Variants in COL22A1 observed in about 807,000 individuals in gnomAD.
COL22A1 encodes collagen alpha-1(XXII) chain.
COL22A1 carries 221 observed loss-of-function variants against 248.9 expected under a neutral mutation model. That is an observed-to-expected ratio of 0.89 (90% CI 0.80 to 0.99). The LOEUF (loss-of-function observed/expected upper bound fraction) is 0.99, where lower values mean the gene tolerates loss of function less well. Among genes scored for constraint, COL22A1 ranks in the 50% least tolerant of loss-of-function variants. The pLI is 0.00. For synonymous variants in COL22A1, 891 were observed against 793.4 expected (o/e 1.12, Z -2.07); for missense variants, 2,240 against 2,179.0 (o/e 1.03, Z -0.56).
chr8:138,805,485 ATGTGATGGTGTGTGTG>A (rs1254452756), intron 10 of COL22A1, among the ~76,000 whole-genome samples: 4 of 111,108 alleles, frequency 3.6e-5, no homozygotes, highest in East Asian at 3.4e-4. Flanking sequence ...ATGGGATGGC[ATGTGATGGTGTGTGTG>A]TGTGATGGTG....
intron 3 of COL22A1, among the ~76,000 whole-genome samples, chr8:138,866,127 A>G (rs1822877614): frequency 6.6e-6 from 1 of 152,196 alleles, no homozygotes; most frequent in African/African-American, 2.4e-5. Context: ...ACAGCAAAAC[A>G]AGTCACCTAA....
intron 18 of COL22A1, among the ~76,000 whole-genome samples, chr8:138,756,112 G>A (rs1311184820): frequency 6.6e-6 from 1 of 152,142 alleles, no homozygotes; most frequent in African/African-American, 2.4e-5. Flanking sequence ...CATGTTCCAT[G>A]AACACCTCAG....
chr8:138,703,073 T>C (rs1367473536), intron 31 of COL22A1, among the ~76,000 whole-genome samples: 1 of 152,242 alleles, frequency 6.6e-6, no homozygotes, highest in Non-Finnish European at 1.5e-5. Context: ...TCTCAGTATC[T>C]AGCACCCATT....
At chr8:138,617,554 A>G (rs1819439695) in intron 53 of COL22A1, among the ~76,000 whole-genome samples, 1 of 152,120 alleles carries the variant, frequency 6.6e-6, no homozygotes, top group South Asian at 2.1e-4. Flanking sequence ...AGATTAAACC[A>G]TTAGCAGAGC....
At chr8:138,752,000 C>G (rs942798747) in intron 21 of COL22A1, among the ~76,000 whole-genome samples, 1 of 152,194 alleles carries the variant, frequency 6.6e-6, no homozygotes, top group African/African-American at 2.4e-5. Context: ...GGAACACTGG[C>G]GCAGGGAGGG....
intron 3 of COL22A1, among the ~76,000 whole-genome samples, chr8:138,847,329 A>G (rs1274564135): frequency 1.3e-5 from 2 of 152,174 alleles, no homozygotes; most frequent in African/African-American, 4.8e-5. Flanking sequence ...GATTTTGATG[A>G]GCCACTGAGA....
At chr8:138,803,039 G>T in intron 10 of COL22A1, 105 bp from the exon 11 acceptor site, 1 of 873,554 alleles carries the variant, frequency 1.1e-6, no homozygotes, top group Non-Finnish European at 2.0e-6. Context: ...CCTAGAAGCA[G>T]CTGACTTCAT....
At chr8:138,609,663 A>G (rs898831944) in intron 56 of COL22A1, among the ~76,000 whole-genome samples, 3 of 152,144 alleles carry the variant, frequency 2.0e-5, no homozygotes, top group African/African-American at 4.8e-5. Context: ...CCTTATCCCT[A>G]TGGAAATTCT....
At chr8:138,804,091 C>T (rs983307272) in intron 10 of COL22A1, among the ~76,000 whole-genome samples, 2 of 152,230 alleles carry the variant, frequency 1.3e-5, no homozygotes, top group Non-Finnish European at 2.9e-5. Context: ...TCCTCTCTTT[C>T]CTGCTCCCTT....
intron 11 of COL22A1, among the ~76,000 whole-genome samples, 173 bp from the exon 12 acceptor site, chr8:138,797,030 G>A (rs1816605169): frequency 6.6e-6 from 1 of 152,110 alleles, no homozygotes; most frequent in South Asian, 2.1e-4. Flanking sequence ...ATTCTCATGA[G>A]TATCATCTCA....
intron 2 of COL22A1, among the ~76,000 whole-genome samples, chr8:138,881,446 G>C (rs1000830283): frequency 1.3e-5 from 2 of 152,192 alleles, no homozygotes; most frequent in Non-Finnish European, 2.9e-5. Context: ...AGCACTTTGG[G>C]AGGCCGAGGC....
intron 64 of COL22A1, among the ~76,000 whole-genome samples, chr8:138,590,408 T>C (rs559723947): frequency 3.4e-4 from 52 of 152,344 alleles, no homozygotes; most frequent in Middle Eastern, 3.4e-3. Context: ...GGGATAATTA[T>C]TGGTACAGTT....
rs781528106 is a variant in COL22A1 at position 138,826,774 on chromosome 8, A to G, written c.853T>C (p.Phe285Leu). The change falls in exon 6 of 65, where the codon TTC (phenylalanine) becomes CTC (leucine). Residue 285 changes from phenylalanine (F) to leucine (L), a missense_variant. Coordinates refer to ENST00000303045, the MANE Select transcript of COL22A1 (RefSeq NM_152888.3). ...FPVVQSTEDV[F>L]PQGLPDEYAF... is the part of the protein sequence containing the mutation. ...TACTCATCAGGTAAACCTTGGGGGAACACATCCCTGGAGAAAAATGGAGAC... is the reference window on the plus strand; with the variant it reads ...TACTCATCAGGTAAACCTTGGGGGAGCACATCCCTGGAGAAAAATGGAGAC... 1.2e-5 allele frequency: 20 copies of G among 1,614,092 alleles called. No individual in the cohort carries two copies. In the East Asian group the frequency reaches 2.7e-4, roughly 22 times the overall value.
chr8:138,907,073 G>A (rs1488714098), intron 1 of COL22A1, among the ~76,000 whole-genome samples: 3 of 152,246 alleles, frequency 2.0e-5, no homozygotes, highest in African/African-American at 4.8e-5. Context: ...GTACCAGGGA[G>A]GGGCCAGGAA....
intron 1 of COL22A1, among the ~76,000 whole-genome samples, chr8:138,900,036 G>A (rs1226126489): frequency 2.0e-5 from 3 of 152,168 alleles, no homozygotes; most frequent in Non-Finnish European, 2.9e-5. Flanking sequence ...CTCCTGCATT[G>A]CTTTATTTCT....
At chr8:138,911,410 A>G (rs1250547174) in intron 1 of COL22A1, among the ~76,000 whole-genome samples, 2 of 152,190 alleles carry the variant, frequency 1.3e-5, no homozygotes, top group Non-Finnish European at 2.9e-5. Context: ...CTCTAAATGC[A>G]CTTCCACTTA....
intron 12 of COL22A1, among the ~76,000 whole-genome samples, chr8:138,786,819 G>T (rs1156229366): frequency 2.0e-5 from 3 of 152,144 alleles, no homozygotes; most frequent in African/African-American, 7.2e-5. Context: ...CAGGAGAATT[G>T]CTTGAACCCA....
chr8:138,591,076 C>A (rs1260783579), intron 64 of COL22A1, among the ~76,000 whole-genome samples: 1 of 152,170 alleles, frequency 6.6e-6, no homozygotes, highest in African/African-American at 2.4e-5. Flanking sequence ...TTAGCACTTA[C>A]AATAGTGAAT....
At chr8:138,635,137 C>A in intron 48 of COL22A1, 74 bp from the exon 49 acceptor site, 1 of 1,282,640 alleles carries the variant, frequency 7.8e-7, no homozygotes. Flanking sequence ...TATCAAATTT[C>A]AGAAAACAAT....
Sources: allele counts gnomAD v4.1 joint callset (sites outside exome capture counted in the v4.1 genomes callset), GRCh38; gene constraint gnomAD v4.1.1; transcripts MANE v1.5; gene names NCBI Gene and HGNC (gene_info 2026-07-23, HGNC 2026-07-21).